Variants in GRM7 observed in about 807,000 individuals in gnomAD.
GRM7 encodes the protein glutamate metabotropic receptor 7.
Under a neutral mutation model 84.5 loss-of-function variants are expected in GRM7, and 35 were observed. That is an observed-to-expected ratio of 0.41 (90% CI 0.32 to 0.55). GRM7 has a LOEUF of 0.55. Among genes scored for constraint, GRM7 ranks in the 20% least tolerant of loss-of-function variants. The pLI is 0.19. For missense variants in GRM7, 1,003 were observed against 1,194.6 expected, an observed-to-expected ratio of 0.84 and a Z score of 2.36; for synonymous variants, 487 against 455.1, an observed-to-expected ratio of 1.07 and a Z score of -0.89.
At chr3:7,435,783 G>C (rs115981456) in intron 5 of GRM7, among the ~76,000 whole-genome samples, 3,305 of 148,114 alleles carry the variant, frequency 0.022, 81 homozygotes, top group Non-Finnish European at 0.033. Context: ...TGCCTGCCGG[G>C]TTCATGCCAT....
At chr3:7,400,721 G>A (rs1458654463) in intron 4 of GRM7, among the ~76,000 whole-genome samples, 1 of 152,050 alleles carries the variant, frequency 6.6e-6, no homozygotes, top group Non-Finnish European at 1.5e-5. Context: ...AACTTTCATA[G>A]GCTATCTTTG....
chr3:7,326,910 T>G (rs1485673988), intron 4 of GRM7, among the ~76,000 whole-genome samples: 1 of 152,142 alleles, frequency 6.6e-6, no homozygotes, highest in Non-Finnish European at 1.5e-5. Context: ...TAAAGATACC[T>G]GTATTTTCTC....
intron 4 of GRM7, among the ~76,000 whole-genome samples, chr3:7,392,814 T>C (rs1182740040): frequency 6.6e-6 from 1 of 152,084 alleles, no homozygotes; most frequent in East Asian, 1.9e-4. Flanking sequence ...TGGGCAAACT[T>C]TGTGGGTGAA....
chr3:7,131,943 A>G (rs1302549174), intron 1 of GRM7, among the ~76,000 whole-genome samples: 5 of 152,194 alleles, frequency 3.3e-5, no homozygotes, highest in African/African-American at 1.2e-4. Context: ...CCCTCAAGCT[A>G]GGAAAGTGTC....
chr3:7,471,994 C>T (rs1358946508), intron 7 of GRM7, among the ~76,000 whole-genome samples: 2 of 152,160 alleles, frequency 1.3e-5, no homozygotes, highest in Non-Finnish European at 1.5e-5. Flanking sequence ...GTCATGGGTG[C>T]AAACCCCTCA....
rs554258909 is a variant in GRM7 at position 7,084,607 on chromosome 3, C to G, written c.520-61845C>G. Among the ~76,000 whole-genome samples, 300 of 152,158 alleles carry G rather than the reference C, an allele frequency of 2.0e-3. 1 individual carries two copies. Among genetic ancestry groups the G allele is most frequent in the Non-Finnish European group, 3.2e-3 (221 of 68,006 alleles). On this transcript the variant is annotated intron_variant, in intron 1 of 9. Coordinates refer to ENST00000357716, the MANE Select transcript of GRM7 (RefSeq NM_000844.4). Reference sequence around the variant, plus strand: ...TGCTGAGAGAAGATCCTGGGAGGAGCTGCTGAAATGGGAGTCAGGTTAGTT... The same window carrying G: ...TGCTGAGAGAAGATCCTGGGAGGAGGTGCTGAAATGGGAGTCAGGTTAGTT...
intron 2 of GRM7, among the ~76,000 whole-genome samples, chr3:7,282,988 A>G (rs745917812): frequency 2.6e-5 from 4 of 152,202 alleles, no homozygotes; most frequent in Non-Finnish European, 5.9e-5. Context: ...CCTAATAGTA[A>G]GTAACTTTAA....
At chr3:7,271,376 G>A (rs1328704171) in intron 2 of GRM7, among the ~76,000 whole-genome samples, 2 of 151,698 alleles carry the variant, frequency 1.3e-5, no homozygotes. Context: ...TGGCTAACAC[G>A]GTGAAACCCC....
intron 9 of GRM7, among the ~76,000 whole-genome samples, chr3:7,726,527 C>T (rs922698436): frequency 2.0e-4 from 30 of 147,276 alleles, no homozygotes; most frequent in Non-Finnish European, 2.7e-4. Flanking sequence ...TTAAAACTTA[C>T]GAATACATTG....
At chr3:7,299,414 T>G (rs1699921993) in intron 3 of GRM7, among the ~76,000 whole-genome samples, 1 of 152,200 alleles carries the variant, frequency 6.6e-6, no homozygotes, top group African/African-American at 2.4e-5. Flanking sequence ...TTCTGATCAC[T>G]ACCAACCTGG....
At chr3:7,330,233 G>T (rs192000254) in intron 4 of GRM7, among the ~76,000 whole-genome samples, 2 of 152,206 alleles carry the variant, frequency 1.3e-5, no homozygotes, top group African/African-American at 4.8e-5. Flanking sequence ...TAGCAGCACA[G>T]ACATGTTCAA....
chr3:7,213,112 C>T (rs1387029871), intron 2 of GRM7, among the ~76,000 whole-genome samples: 4 of 152,306 alleles, frequency 2.6e-5, no homozygotes, highest in Middle Eastern at 3.4e-3. Context: ...GAGTTAAATA[C>T]TATTTCTTTC....
At chr3:7,284,605 C>A (rs1432517030) in intron 2 of GRM7, among the ~76,000 whole-genome samples, 1 of 151,952 alleles carries the variant, frequency 6.6e-6, no homozygotes, top group African/African-American at 2.4e-5. Context: ...TACTCCAAGC[C>A]ATGACTATTG....
intron 2 of GRM7, among the ~76,000 whole-genome samples, chr3:7,237,020 A>G (rs1490993778): frequency 6.6e-6 from 1 of 152,242 alleles, no homozygotes; most frequent in African/African-American, 2.4e-5. Context: ...ATACTTCTGT[A>G]TATACAGCCC....
intron 4 of GRM7, among the ~76,000 whole-genome samples, chr3:7,342,579 T>TA (rs537663470): frequency 1.3e-3 from 202 of 152,302 alleles, no homozygotes; most frequent in African/African-American, 4.6e-3. Flanking sequence ...TACCCTGTAC[T>TA]AATCATTTCC....
chr3:6,916,276 A>G (rs1696935589), intron 1 of GRM7, among the ~76,000 whole-genome samples: 1 of 152,198 alleles, frequency 6.6e-6, no homozygotes, highest in Non-Finnish European at 1.5e-5. Context: ...TCAGACATTA[A>G]TGAAACAGTC....
intron 1 of GRM7, among the ~76,000 whole-genome samples, chr3:6,911,292 T>C (rs990855742): frequency 4.6e-5 from 7 of 152,172 alleles, no homozygotes; most frequent in Non-Finnish European, 7.3e-5. Flanking sequence ...CATTTTCTTT[T>C]GCCATTCCCT....
chr3:7,432,252 A>G (rs547023132), intron 5 of GRM7, among the ~76,000 whole-genome samples: 59 of 152,360 alleles, frequency 3.9e-4, no homozygotes, highest in African/African-American at 1.4e-3. Context: ...AAACGCAAAG[A>G]AAACACTAGG....
At chr3:7,240,463 C>T (rs1697516402) in intron 2 of GRM7, among the ~76,000 whole-genome samples, 1 of 151,502 alleles carries the variant, frequency 6.6e-6, no homozygotes, top group African/African-American at 2.4e-5. Context: ...TTTATTTTTG[C>T]AATATGTTTA....
Sources: allele counts gnomAD v4.1 joint callset (sites outside exome capture counted in the v4.1 genomes callset), GRCh38; gene constraint gnomAD v4.1.1; transcripts MANE v1.5; gene names NCBI Gene and HGNC (gene_info 2026-07-23, HGNC 2026-07-21).